The following PAK3 variants were observed in gnomAD, a reference collection of about 807,000 sequenced individuals.
PAK3 encodes the protein p21 (RAC1) activated kinase 3, also known as serine/threonine-protein kinase PAK 3.
PAK3 carries 4 observed loss-of-function variants against 41.0 expected under a neutral mutation model. The observed-to-expected ratio is 0.10, with a 90% CI of 0.05 to 0.22. The LOEUF is 0.22. Among genes scored for constraint, PAK3 ranks in the 10% least tolerant of loss-of-function variants. PAK3 has a pLI of 1.00. For missense variants in PAK3, 205 were observed against 409.9 expected, an observed-to-expected ratio of 0.50 and a Z score of 4.32; for synonymous variants, 146 against 139.6, an observed-to-expected ratio of 1.05 and a Z score of -0.32.
chrX:111,217,654 G>C (rs932349732), intron 17 of PAK3: 49 of 924,763 alleles, frequency 5.3e-5, no homozygotes, highest in Non-Finnish European at 6.7e-5. Context: ...TTTCTTTTCT[G>C]CTACCTGCAA....
rs765287547 is a variant in PAK3 at position 111,080,806 on chromosome X, G to A, written c.-27-42271G>A. 1.1e-3 allele frequency among the ~76,000 whole-genome samples: 123 copies of A among 111,858 alleles called. 1 individual carries two copies. The highest frequency in any genetic ancestry group is 3.9e-3 in the African/African-American group (119 of 30,822). On this transcript the variant is annotated intron_variant, in intron 1 of 14. Transcript: ENST00000425146. ...TCCCATTATGTGCAGCATTATTCAC[G>A]GTAGTCAAGATATGAAATTAGCCTA...
intron 11 of PAK3, 26 bp downstream of exon 11, chrX:111,173,107 A>C: frequency 1.4e-6 from 1 of 730,367 alleles, no homozygotes; most frequent in Non-Finnish European, 2.2e-6. Flanking sequence ...TTGAAATATA[A>C]AAAGATGAGT....
At chrX:111,098,216 G>C in intron 3 of PAK3, among the ~76,000 whole-genome samples, 1 of 110,342 alleles carries the variant, frequency 9.1e-6, no homozygotes, top group Non-Finnish European at 1.9e-5. Flanking sequence ...TACCAGGTGA[G>C]GGAAACGAGA....
At chrX:111,044,040 T>C (rs1417085869) in intron 1 of PAK3, among the ~76,000 whole-genome samples, 1 of 112,160 alleles carries the variant, frequency 8.9e-6, no homozygotes, top group Non-Finnish European at 1.9e-5. Flanking sequence ...TTTAAGAAGA[T>C]TTTTAAAAAA....
At chrX:111,210,036 A>C (rs918789322) in intron 16 of PAK3, among the ~76,000 whole-genome samples, 8 of 112,169 alleles carry the variant, frequency 7.1e-5, no homozygotes, top group Admixed American at 2.8e-4. Context: ...GTGTGTTATT[A>C]CCAAGATATT....
Position 111,164,388 on chromosome X carries a change from T to C in PAK3, c.766+661T>C, listed in dbSNP as rs374237263. On this transcript the variant is annotated intron_variant, in intron 10 of 17. Coordinates refer to ENST00000372007, the MANE Select transcript of PAK3 (RefSeq NM_002578.5). ...CATACTATAAAAGCATCTAACAAATTGCTAGATATCAGCAATAAGTGCCCC... is the reference window on the plus strand; with the variant it reads ...CATACTATAAAAGCATCTAACAAATCGCTAGATATCAGCAATAAGTGCCCC... 5.4e-5 allele frequency among the ~76,000 whole-genome samples: 6 copies of C among 111,350 alleles called. No homozygotes were observed. In the East Asian group the frequency reaches 1.1e-3, roughly 21 times the overall value.
intron 1 of PAK3, among the ~76,000 whole-genome samples, chrX:111,066,421 C>A (rs771009357): frequency 7.1e-5 from 8 of 112,008 alleles, no homozygotes; most frequent in African/African-American, 9.7e-5. Flanking sequence ...CCACTGTGGT[C>A]TGCAAGCATG....
intron 5 of PAK3, among the ~76,000 whole-genome samples, chrX:111,136,616 T>G (rs1372686108): frequency 1.8e-5 from 2 of 112,000 alleles, no homozygotes; most frequent in African/African-American, 6.5e-5. Context: ...AATGGAGGTC[T>G]TGTTGAGATC....
At chrX:111,072,551 G>A (rs905581779) in intron 1 of PAK3, among the ~76,000 whole-genome samples, 5 of 112,301 alleles carry the variant, frequency 4.5e-5, no homozygotes, top group Non-Finnish European at 9.4e-5. Flanking sequence ...ATTGTTCTAG[G>A]GATTACATGA....
intron 11 of PAK3, among the ~76,000 whole-genome samples, chrX:111,187,883 G>A (rs1211697239): frequency 9.2e-6 from 1 of 108,895 alleles, no homozygotes; most frequent in Non-Finnish European, 1.9e-5. Context: ...GAGGGGATTG[G>A]TAAGTGTGGT....
In PAK3 at chrX:111,112,205, C is replaced by T. The variant is rs771930065; in HGVS notation, c.-28+8899C>T. 2.7e-5 allele frequency among the ~76,000 whole-genome samples: 3 copies of T among 110,937 alleles called. No individual in the cohort carries two copies. In the South Asian group the frequency reaches 1.2e-3, roughly 43 times the overall value. On this transcript the variant is annotated intron_variant, in intron 4 of 17. Coordinates refer to ENST00000372007, the MANE Select transcript of PAK3 (RefSeq NM_002578.5). ...TTGTAGAAACGCATATTAAACCCTTCTTAATTCGTCTCTATGGATCTTATT... is the reference window on the plus strand; with the variant it reads ...TTGTAGAAACGCATATTAAACCCTTTTTAATTCGTCTCTATGGATCTTATT...
chrX:111,016,989 G>T (rs928829252), intron 1 of PAK3, among the ~76,000 whole-genome samples: 1 of 111,219 alleles, frequency 9.0e-6, no homozygotes, highest in African/African-American at 3.3e-5. Context: ...GCTTTGGGCT[G>T]GAAAACATCA....
intron 1 of PAK3, among the ~76,000 whole-genome samples, chrX:111,053,551 G>T (rs766301685): frequency 3.6e-5 from 4 of 111,356 alleles, no homozygotes; most frequent in African/African-American, 6.5e-5. Context: ...CATTCTAGGC[G>T]CAGGCACTTT....
intron 16 of PAK3, among the ~76,000 whole-genome samples, chrX:111,199,845 G>A (rs961751063): frequency 1.8e-5 from 2 of 111,505 alleles, no homozygotes; most frequent in Non-Finnish European, 3.8e-5. Context: ...ATCTTATTTC[G>A]GAGATGTGCT....
In PAK3 at chrX:111,123,296, G is replaced by A. The variant is rs773476432; in HGVS notation, c.175+18G>A. 7 of 1,167,259 alleles carry A rather than the reference G, an allele frequency of 6.0e-6. No individual in the cohort carries two copies. The highest frequency in any genetic ancestry group is 1.8e-5 in the African/African-American group (1 of 56,537). ...GGATAAAAGTAAAGTATCAGTGGCC[G>A]GGCATTGAAAATGGGCTAGTTTATT... On this transcript the variant is annotated intron_variant, in intron 5 of 17. Transcript: ENST00000372007.
At chrX:111,059,814 G>A in intron 1 of PAK3, among the ~76,000 whole-genome samples, 1 of 111,534 alleles carries the variant, frequency 9.0e-6, no homozygotes, top group East Asian at 2.8e-4. Flanking sequence ...GAACTTATTT[G>A]TCTAACAGTT....
chrX:111,208,401 C>T (rs984601214), intron 16 of PAK3, among the ~76,000 whole-genome samples: 8 of 112,307 alleles, frequency 7.1e-5, no homozygotes, highest in African/African-American at 2.6e-4. Flanking sequence ...CTTTCACATT[C>T]ACTCACTAGT....
chrX:111,099,172 T>C (rs1249100051), intron 3 of PAK3, among the ~76,000 whole-genome samples: 1 of 112,535 alleles, frequency 8.9e-6, no homozygotes, highest in Non-Finnish European at 1.9e-5. Flanking sequence ...TTCCATTTCC[T>C]CCCAGATATG....
intron 1 of PAK3, among the ~76,000 whole-genome samples, chrX:111,053,009 G>A (rs2092572998): frequency 8.9e-6 from 1 of 112,202 alleles, no homozygotes. Context: ...TAGACGCACA[G>A]CACAAGTATC....
Sources: allele counts gnomAD v4.1 joint callset (sites outside exome capture counted in the v4.1 genomes callset), GRCh38; gene constraint gnomAD v4.1.1; transcripts MANE v1.5; gene names NCBI Gene and HGNC (gene_info 2026-07-23, HGNC 2026-07-21).